Variants in WNT7B observed in about 807,000 individuals in gnomAD.
WNT7B encodes Wnt family member 7B.
A neutral mutation model predicts 38.2 loss-of-function variants in WNT7B; 19 were observed. The ratio of observed to expected loss-of-function variants is 0.50; its 90% CI spans 0.35 to 0.73. WNT7B has a LOEUF of 0.73. Ranked by LOEUF, WNT7B falls within the 30% of genes least tolerant of loss-of-function variation. The pLI, the probability that WNT7B is intolerant of heterozygous loss-of-function variation, is 0.01. For synonymous variants in WNT7B, 243 were observed against 209.3 expected (o/e 1.16, Z -1.39); for missense variants, 423 against 507.9 (o/e 0.83, Z 1.61).
At chr22:45,923,918 CG>C (rs1047092748) in intron 3 of WNT7B, among the ~76,000 whole-genome samples, 23 of 152,322 alleles carry the variant, frequency 1.5e-4, no homozygotes, top group African/African-American at 5.5e-4. Flanking sequence ...CAGCGAGGCC[CG>C]GGCATGCTGA....
At chr22:45,954,843 T>C (rs1041997972) in intron 1 of WNT7B, 5 of 813,808 alleles carry the variant, frequency 6.1e-6, no homozygotes, top group Non-Finnish European at 4.5e-6. Context: ...CACCTATGTA[T>C]CATTTAATCC....
At chr22:45,935,124 G>C (rs1158011104) in intron 2 of WNT7B, among the ~76,000 whole-genome samples, 1 of 152,168 alleles carries the variant, frequency 6.6e-6, no homozygotes, top group East Asian at 1.9e-4. Flanking sequence ...CCCTCCTGGG[G>C]CCGTGACTGG....
At position 45,962,445 on chromosome 22, in the gene WNT7B, C is replaced by T. The variant is rs1005374987; in HGVS notation, c.72-12299G>A. Among the ~76,000 whole-genome samples, 6 of 152,278 alleles carry T rather than the reference C, an allele frequency of 3.9e-5. No homozygotes were observed. In the South Asian group the frequency reaches 1.2e-3, roughly 32 times the overall value. On this transcript the variant is annotated intron_variant, in intron 1 of 3. Transcript: ENST00000339464. ...AGGTGCTGGCCATACTGGACCAGCT[C>T]CTCCCCCTCCAGGGGCAGGTACCTT...
At chr22:45,952,262 C>T (rs1035560369) in intron 1 of WNT7B, among the ~76,000 whole-genome samples, 1 of 152,176 alleles carries the variant, frequency 6.6e-6, no homozygotes, top group African/African-American at 2.4e-5. Context: ...CCAGGGCGGC[C>T]GAGCACCCAC....
At chr22:45,936,671 C>G (rs1369274410) in intron 2 of WNT7B, among the ~76,000 whole-genome samples, 1 of 152,260 alleles carries the variant, frequency 6.6e-6, no homozygotes, top group African/African-American at 2.4e-5. Context: ...CCCTGCCCTG[C>G]CTCTGCAGTG....
intron 1 of WNT7B, among the ~76,000 whole-genome samples, chr22:45,967,166 C>A (rs891662610): frequency 6.6e-6 from 1 of 152,206 alleles, no homozygotes; most frequent in Non-Finnish European, 1.5e-5. Flanking sequence ...GCGCCAGGGA[C>A]GGAGGACAAA....
chr22:45,929,923 C>CCGACTCATCCTT (rs1931275402), intron 3 of WNT7B, among the ~76,000 whole-genome samples: 1 of 102,564 alleles, frequency 9.8e-6, no homozygotes, highest in African/African-American at 3.9e-5. Context: ...CATCTATCCT[C>CCGACTCATCCTT]CCATCCACCC....
At chr22:45,955,040 C>T (rs1932026796) in intron 1 of WNT7B, among the ~76,000 whole-genome samples, 1 of 152,268 alleles carries the variant, frequency 6.6e-6, no homozygotes, top group South Asian at 2.1e-4. Context: ...TGGCCTGGAG[C>T]AGGCACTGTG....
At chr22:45,963,195 C>A (rs1378492380) in intron 1 of WNT7B, among the ~76,000 whole-genome samples, 2 of 152,194 alleles carry the variant, frequency 1.3e-5, no homozygotes, top group Non-Finnish European at 2.9e-5. Context: ...CCACACAGGT[C>A]ATCTGCATTC....
intron 1 of WNT7B, among the ~76,000 whole-genome samples, chr22:45,958,022 C>A (rs1176392986): frequency 6.6e-6 from 1 of 152,236 alleles, no homozygotes; most frequent in East Asian, 1.9e-4. Flanking sequence ...GTGCAGGAGA[C>A]CTCAGGGAGT....
In WNT7B at chr22:45,931,290, C is replaced by T; in HGVS notation, c.378G>A (p.Gly126=). Residue 126 remains glycine, a synonymous_variant, in exon 3 of 4, where the codon GGG becomes GGA. Transcript: ENST00000339464. ...AHAVTAACSQ[G]NLSNCGCDRE... ...GGTCGCAGCCGCAGTTGCTCAGGTT[C>T]CCTTGGCTGCAGGCAGCGGTGACGG... The T allele has an allele frequency of 1.3e-6, 2 of 1,598,284 alleles. No individual in the cohort carries two copies. Among genetic ancestry groups the T allele is most frequent in the Non-Finnish European group, 1.7e-6 (2 of 1,179,506 alleles).
chr22:45,971,229 G>A (rs1389725873), intron 1 of WNT7B, among the ~76,000 whole-genome samples: 1 of 149,234 alleles, frequency 6.7e-6, no homozygotes, highest in East Asian at 2.0e-4. Flanking sequence ...GACGTGGCCC[G>A]CGTGTAAAGG....
intron 2 of WNT7B, among the ~76,000 whole-genome samples, chr22:45,934,965 T>TTTAA (rs375749829): frequency 9.1e-4 from 139 of 152,228 alleles, no homozygotes; most frequent in Admixed American, 1.7e-3. Flanking sequence ...TGTTGTCTGG[T>TTTAA]TTAATTCTCA....
At position 45,965,042 on chromosome 22, in the gene WNT7B, C is replaced by A. The variant is rs1932281523; in HGVS notation, c.71+11642G>T. Among the ~76,000 whole-genome samples, 1 of 152,108 alleles carries A rather than the reference C, an allele frequency of 6.6e-6. No homozygotes were observed. The highest frequency in any genetic ancestry group is 6.5e-5 in the Admixed American group (1 of 15,284). On this transcript the variant is annotated intron_variant, in intron 1 of 3. Transcript: ENST00000339464. The surrounding 1 kb of genome is among the most constrained non-coding windows in gnomAD (Gnocchi z 6.5). ...AAGCCACTCCTCCCTGCCCTGGGCT[C>A]CCCAGACCCGAGATCACTGCCTCCG...
chr22:45,939,670 C>G (rs561599504), intron 2 of WNT7B, among the ~76,000 whole-genome samples: 2 of 151,486 alleles, frequency 1.3e-5, no homozygotes. Context: ...CACACACACA[C>G]AAAAATAGCC....
intron 1 of WNT7B, among the ~76,000 whole-genome samples, chr22:45,962,164 G>A (rs1932212559): frequency 6.6e-6 from 1 of 151,736 alleles, no homozygotes; most frequent in African/African-American, 2.4e-5. Context: ...CTGGTGAAGA[G>A]CTGGGGGCCC....
At chr22:45,944,082 C>T (rs1346828505) in intron 2 of WNT7B, among the ~76,000 whole-genome samples, 1 of 152,214 alleles carries the variant, frequency 6.6e-6, no homozygotes, top group African/African-American at 2.4e-5. Context: ...ATCAAGGTCC[C>T]CAGGGCACCA....
At position 45,958,746 on chromosome 22, in the gene WNT7B, C is replaced by A. The variant is rs545289819; in HGVS notation, c.72-8600G>T. Reference sequence around the variant, plus strand: ...CCAGTGCCCTGTCATCAACCCTGCCCCTGGGACATACCCCATTCCTGACCC... The same window carrying A: ...CCAGTGCCCTGTCATCAACCCTGCCACTGGGACATACCCCATTCCTGACCC... On this transcript the variant is annotated intron_variant, in intron 1 of 3. Transcript: ENST00000339464. Among the ~76,000 whole-genome samples the A allele has an allele frequency of 7.0e-4, 107 of 152,308 alleles. 2 individuals carry two copies. The highest frequency in any genetic ancestry group is 7.2e-4 in the Admixed American group (11 of 15,300).
At chr22:45,960,098 G>T (rs1003648190) in intron 1 of WNT7B, among the ~76,000 whole-genome samples, 7 of 152,168 alleles carry the variant, frequency 4.6e-5, no homozygotes, top group African/African-American at 1.7e-4. Context: ...GCGCCACCCT[G>T]ACACCAGCAG....
Sources: allele counts gnomAD v4.1 joint callset (sites outside exome capture counted in the v4.1 genomes callset), GRCh38; gene constraint gnomAD v4.1.1; non-coding constraint Gnocchi (gnomAD v3.1); transcripts MANE v1.5; gene names NCBI Gene and HGNC (gene_info 2026-07-23, HGNC 2026-07-21).